The following CIITA variants were observed in gnomAD, a reference collection of about 807,000 sequenced individuals.
The protein encoded by CIITA is class II major histocompatibility complex transactivator.
CIITA carries 72 observed loss-of-function variants against 115.1 expected under a neutral mutation model. That is an observed-to-expected ratio of 0.63 (90% CI 0.52 to 0.76). The LOEUF (loss-of-function observed/expected upper bound fraction) is 0.76. CIITA is among the 30% of genes least tolerant of loss of function. The pLI is 0.00. For synonymous variants in CIITA, 763 were observed against 635.6 expected, an observed-to-expected ratio of 1.20 and a Z score of -3.02; for missense variants, 1,617 against 1,463.8, an observed-to-expected ratio of 1.10 and a Z score of -1.71.
chr16:10,869,491 G>A (rs983687456), intron 1 of CIITA, among the ~76,000 whole-genome samples: 2 of 149,902 alleles, frequency 1.3e-5, no homozygotes, highest in Non-Finnish European at 1.5e-5. Context: ...TCCACACTCT[G>A]AGCCCCCTCC....
At chr16:10,874,003 T>C (rs1239928228), upstream of CIITA, among the ~76,000 whole-genome samples, 1 of 152,134 alleles carries the variant, frequency 6.6e-6, no homozygotes, top group Non-Finnish European at 1.5e-5. Flanking sequence ...TTTTTTGAAA[T>C]AGAGTCTCGC....
In CIITA at chr16:10,923,903, G is replaced by C. The variant is rs1201649733; in HGVS notation, c.*48G>C. The C allele has an allele frequency of 1.3e-5, 2 of 156,014 alleles. No homozygotes were observed. Among genetic ancestry groups the C allele is most frequent in the Non-Finnish European group, 2.8e-5 (2 of 70,306 alleles). The allele number at this position is 156,014 out of a possible 1,614,324, so 9.7% of individuals were successfully genotyped here. On this transcript the variant is annotated 3_prime_UTR_variant, in exon 20 of 20. Transcript: ENST00000324288. The surrounding 1 kb of genome is among the most constrained non-coding windows in gnomAD (Gnocchi z 5.2). The stretch of plus-strand genomic sequence containing the variant: ...CATGTTCTCTGAGGACACTAACCAC[G>C]CTGGACCTTGAACTGGGTACTTGTG...
Position 10,903,760 on chromosome 16 carries a change from C to T in CIITA, c.802C>T (p.Pro268Ser). Reference sequence around the variant, plus strand: ...GGTGCCCCAGGCCAGCCAAGTACCCCCTCCCAGTGGATTCACTGTCCACGG... The same window carrying T: ...GGTGCCCCAGGCCAGCCAAGTACCCTCTCCCAGTGGATTCACTGTCCACGG... Reference protein sequence around the residue: ...GEVPQASQVPPPSGFTVHGLP... With the variant: ...GEVPQASQVPSPSGFTVHGLP... The change falls in exon 9 of 20, where the codon CCT (proline) becomes TCT (serine). Residue 268 changes from proline (P) to serine (S), a missense_variant. Transcript: ENST00000324288. The T allele has an allele frequency of 3.1e-6, 5 of 1,614,144 alleles. No homozygotes were observed. Among genetic ancestry groups the T allele is most frequent in the African/African-American group, 1.3e-5 (1 of 75,012 alleles).
At chr16:10,919,240 C>G (rs2040136425) in intron 16 of CIITA, among the ~76,000 whole-genome samples, 2 of 147,494 alleles carry the variant, frequency 1.4e-5, no homozygotes, top group African/African-American at 5.0e-5. Context: ...GTCACCCAGG[C>G]TGGAGTGAAG....
At chr16:10,940,827 C>T (rs1269838248), downstream of CIITA, 3 of 152,302 alleles carry the variant, frequency 2.0e-5, no homozygotes, top group African/African-American at 7.2e-5. The surrounding 1 kb of genome is among the most constrained non-coding windows in gnomAD (Gnocchi z 4.2). Flanking sequence ...CCTGTGGTGC[C>T]TTCTCCCGAG....
chr16:10,910,436 G>C (rs1210764150), intron 13 of CIITA, among the ~76,000 whole-genome samples, 177 bp downstream of exon 13: 1 of 152,198 alleles, frequency 6.6e-6, no homozygotes, highest in Non-Finnish European at 1.5e-5. Context: ...AATGCTGGAG[G>C]TTCTCAGATT....
chr16:10,897,329 A>G (rs1387692147), intron 3 of CIITA, among the ~76,000 whole-genome samples: 1 of 152,244 alleles, frequency 6.6e-6, no homozygotes, highest in East Asian at 1.9e-4. Context: ...CTCTTCTCAT[A>G]AAACCACTAG....
Position 10,910,382 on chromosome 16 carries a change from T to C in CIITA, c.2888+123T>C, listed in dbSNP as rs1282981442. The C allele has an allele frequency of 5.8e-6, 5 of 866,610 alleles. No homozygotes were observed. In the African/African-American group the frequency reaches 8.3e-5, roughly 14 times the overall value. The allele number at this position is 866,610 out of a possible 1,614,324, so 53.7% of individuals were successfully genotyped here. On this transcript the variant is annotated intron_variant, in intron 13 of 19. Coordinates refer to ENST00000324288, the MANE Select transcript of CIITA (RefSeq NM_000246.4). ...TCATTCTTACCCTCTTGCCCACCAC[T>C]TTGGAAATAGCTTCCAGCAGCTGGA...
At chr16:10,887,281 C>T (rs1946911374) in intron 1 of CIITA, among the ~76,000 whole-genome samples, 1 of 151,990 alleles carries the variant, frequency 6.6e-6, no homozygotes, top group African/African-American at 2.4e-5. Flanking sequence ...GAGAAGACTG[C>T]CAGGCAACGA....
At chr16:10,895,239 T>C (rs1555500291) in intron 1 of CIITA, 43 bp from the exon 2 acceptor site, 1 of 1,611,406 alleles carries the variant, frequency 6.2e-7, no homozygotes, top group South Asian at 1.1e-5. Flanking sequence ...TCTGCCTCTT[T>C]CCAACACCCT....
chr16:10,902,083 T>C lies in CIITA; in HGVS notation c.527T>C (p.Val176Ala). ...VVTGSLLVGP[V>A]SDCSTLPCLP... ...ACTGGCAGTCTCCTAGTGGGACCAGTGAGCGACTGCTCCACCCTGCCCTGC... is the reference window on the plus strand; with the variant it reads ...ACTGGCAGTCTCCTAGTGGGACCAGCGAGCGACTGCTCCACCCTGCCCTGC... Residue 176 changes from valine to alanine, a missense_variant, in exon 7 of 20, where the codon GTG (valine) becomes GCG (alanine). By Grantham distance (64) the Val-to-Ala change is moderately conservative. Transcript: ENST00000324288. The C allele has an allele frequency of 1.2e-6, 2 of 1,614,180 alleles. No individual in the cohort carries two copies. Among genetic ancestry groups the C allele is most frequent in the Non-Finnish European group, 1.7e-6 (2 of 1,180,026 alleles).
At chr16:10,904,014 G>C (rs747764234) in intron 9 of CIITA, 119 bp downstream of exon 9, 314 of 1,339,986 alleles carry the variant, frequency 2.3e-4, no homozygotes, top group Non-Finnish European at 3.0e-4. Context: ...GTCATGTTTA[G>C]GGGTCAGTCG....
Position 10,902,565 on chromosome 16 carries a change from TA to T in CIITA, c.629-92del, listed in dbSNP as rs1424899962. 13 of 1,530,614 alleles carry T rather than the reference TA, an allele frequency of 8.5e-6. No individual in the cohort carries two copies. In the African/African-American group the frequency reaches 9.6e-5, roughly 11 times the overall value. The allele number at this position is 1,530,614 out of a possible 1,614,324, so 94.8% of individuals were successfully genotyped here. A position where few individuals can be genotyped will look rare whatever the true frequency, so the allele number is the denominator to read the frequency against. ...TGCTCTTAGGGAAATTAGGGCCCTT[TA>T]GGGGGGTCAGACATTAATCAAATAA... is the stretch of plus-strand genomic sequence containing the variant. On this transcript the variant is annotated intron_variant, in intron 7 of 19. Transcript: ENST00000324288.
Position 10,922,840 on chromosome 16 carries a change from T to A in CIITA, c.3317+350T>A, listed in dbSNP as rs2040348110. On this transcript the variant is annotated intron_variant, in intron 18 of 19. Coordinates refer to ENST00000324288, the MANE Select transcript of CIITA (RefSeq NM_000246.4). The stretch of plus-strand genomic sequence containing the variant: ...AATTGGCAATTTCATATGGTTCAGG[T>A]TTATCTTTTATTAAGTCACCATGAT... 4.7e-5 allele frequency: 23 copies of A among 492,148 alleles called. No homozygotes were observed. The South Asian group carries it at 5.2e-4, about 11-fold the overall frequency. 30.5% of individuals were successfully genotyped at this position (492,148 alleles called of 1,614,324 possible). A position where few individuals can be genotyped will look rare whatever the true frequency, so the allele number is the denominator to read the frequency against.
At chr16:10,876,031 TCC>T (rs2035814561), upstream of CIITA, among the ~76,000 whole-genome samples, 3 of 151,728 alleles carry the variant, frequency 2.0e-5, no homozygotes, top group African/African-American at 7.3e-5. Context: ...GTGCCTGTAA[TCC>T]CAGCTGCTCG....
chr16:10,898,682 A>G lies in CIITA; in HGVS notation c.308A>G (p.Gln103Arg). 1 of 1,610,984 alleles carries G rather than the reference A, an allele frequency of 6.2e-7. No individual in the cohort carries two copies. The highest frequency in any genetic ancestry group is 8.5e-7 in the Non-Finnish European group (1 of 1,178,854). ...CTTGTCTGGGCAGCGGAACTGGACCAGTATGTCTTCCAGGACTCCCAGCTG... is the reference window on the plus strand; with the variant it reads ...CTTGTCTGGGCAGCGGAACTGGACCGGTATGTCTTCCAGGACTCCCAGCTG... ...EAYANIAELDQYVFQDSQLEG... is the reference protein window; with the variant it reads ...EAYANIAELDRYVFQDSQLEG... The change falls in exon 4 of 20, where the codon CAG (glutamine) becomes CGG (arginine). Residue 103 changes from glutamine to arginine, a missense_variant. By Grantham distance (43) the Gln-to-Arg change is conservative. Coordinates refer to ENST00000324288, the MANE Select transcript of CIITA (RefSeq NM_000246.4).
At position 10,929,223 on chromosome 16, in the gene CIITA, C is replaced by A. The variant is rs990296816; in HGVS notation, c.*5368C>A. 1.0e-6 allele frequency: 1 copy of A among 985,766 alleles called. No homozygotes were observed. Among genetic ancestry groups the A allele is most frequent in the Admixed American group, 6.1e-5 (1 of 16,264 alleles). 61.1% of individuals were successfully genotyped at this position (985,766 alleles called of 1,614,324 possible). ...GCCTGAAGGCTCAACTCACATCAAA[C>A]GGAGCTGGGAGTCGCTTTTGCGTGT... On this transcript the variant is annotated 3_prime_UTR_variant, in exon 20 of 20. Coordinates refer to ENST00000324288, the MANE Select transcript of CIITA (RefSeq NM_000246.4). This position sits in a 1 kb window ranked among gnomAD's most constrained non-coding sequence, Gnocchi z 4.3.
At chr16:10,917,413 A>G (rs2040015074) in intron 15 of CIITA, among the ~76,000 whole-genome samples, 1 of 151,122 alleles carries the variant, frequency 6.6e-6, no homozygotes, top group Non-Finnish European at 1.5e-5. Flanking sequence ...AGCTCAAGCC[A>G]TCCTCCTGCC....
intron 1 of CIITA, among the ~76,000 whole-genome samples, chr16:10,871,163 A>C (rs1254814374): frequency 6.6e-6 from 1 of 152,218 alleles, no homozygotes; most frequent in Non-Finnish European, 1.5e-5. Flanking sequence ...GGAGATGATA[A>C]TAGCATTCAG....
Sources: allele counts gnomAD v4.1 joint callset (sites outside exome capture counted in the v4.1 genomes callset), GRCh38; gene constraint gnomAD v4.1.1; non-coding constraint Gnocchi (gnomAD v3.1); transcripts MANE v1.5; gene names NCBI Gene and HGNC (gene_info 2026-07-23, HGNC 2026-07-21).